ALPK3: variants seen among roughly 807,000 people sequenced by gnomAD.
ALPK3 encodes alpha-protein kinase 3.
ALPK3 carries 102 observed loss-of-function variants against 140.0 expected under a neutral mutation model. The ratio of observed to expected loss-of-function variants is 0.73; its 90% CI spans 0.62 to 0.86. The LOEUF is 0.86. Ranked by LOEUF, ALPK3 falls within the 40% of genes least tolerant of loss-of-function variation. The probability of loss-of-function intolerance (pLI) is 0.00; values close to 1 mark genes in which losing one functional copy is unlikely to be tolerated. For missense variants in ALPK3, 2,254 were observed against 2,208.2 expected, an observed-to-expected ratio of 1.02 and a Z score of -0.42; for synonymous variants, 938 against 898.5, an observed-to-expected ratio of 1.04 and a Z score of -0.79.
At position 84,818,835 on chromosome 15, in the gene ALPK3, C is replaced by A. The variant is rs532324605; in HGVS notation, c.143+1240C>A. Among the ~76,000 whole-genome samples the A allele has an allele frequency of 7.2e-5, 11 of 152,336 alleles. No homozygotes were observed. In the South Asian group the frequency reaches 2.3e-3, roughly 32 times the overall value. ...CCCTGGCTGCCAGGAAAGAATACCC[C>A]TTTTTCTTACTCCTGGCTCTACAGA... On this transcript the variant is annotated intron_variant, in intron 1 of 13. Coordinates refer to ENST00000258888, the MANE Select transcript of ALPK3 (RefSeq NM_020778.5).
rs964532474 is a variant in ALPK3 at position 84,870,858 on chromosome 15, G to A, written c.*2402G>A. On this transcript the variant is annotated 3_prime_UTR_variant, in exon 14 of 14. Transcript: ENST00000258888. ...AAGGGTTTGGTAGGTAAACCCTGAA[G>A]ATGCTTCTAACACACGTGCTGTTCT... 3.9e-5 allele frequency: 6 copies of A among 152,196 alleles called. No homozygotes were observed. The highest frequency in any genetic ancestry group is 1.4e-4 in the African/African-American group (6 of 41,444). 9.4% of individuals were successfully genotyped at this position (152,196 alleles called of 1,614,324 possible).
At position 84,834,788 on chromosome 15, in the gene ALPK3, C is replaced by T. The variant is rs895307006; in HGVS notation, c.305-4192C>T. 2.6e-5 allele frequency among the ~76,000 whole-genome samples: 4 copies of T among 152,292 alleles called. No homozygotes were observed. In the East Asian group the frequency reaches 5.8e-4, roughly 22 times the overall value. ...CGCCATGGGCTGTCCTGGCCAGGGC[C>T]AGAAGTGTGTGCACACCTGCCTGTG... On this transcript the variant is annotated intron_variant, in intron 3 of 13. Coordinates refer to ENST00000258888, the MANE Select transcript of ALPK3 (RefSeq NM_020778.5).
At chr15:84,822,487 G>C (rs572489259) in intron 1 of ALPK3, among the ~76,000 whole-genome samples, 2 of 152,212 alleles carry the variant, frequency 1.3e-5, no homozygotes, top group African/African-American at 4.8e-5. Flanking sequence ...CTCTTCTCAT[G>C]ATAGGGACAG....
At position 84,857,698 on chromosome 15, in the gene ALPK3, C is replaced by G. The variant is rs1324378709; in HGVS notation, c.2960C>G (p.Ala987Gly). Residue 987 changes from alanine (A) to glycine (G), a missense_variant, in exon 6 of 14, where the codon GCC becomes GGC. Coordinates refer to ENST00000258888, the MANE Select transcript of ALPK3 (RefSeq NM_020778.5). ...GAGGESQVGA[A>G]TGGLVPSATL... ...GGGGGAGAGTCCCAGGTGGGGGCAG[C>G]CACCGGAGGTCTGGTGCCCTCAGCC... is the stretch of plus-strand genomic sequence containing the variant. 1 of 1,610,984 alleles carries G rather than the reference C, an allele frequency of 6.2e-7. No homozygotes were observed.
intron 12 of ALPK3, among the ~76,000 whole-genome samples, chr15:84,866,105 A>G (rs146243116): frequency 1.3e-5 from 2 of 152,322 alleles, no homozygotes; most frequent in African/African-American, 4.8e-5. Context: ...TGTCTTTCCT[A>G]CCTAGCACTC....
chr15:84,856,299 G>T, intron 5 of ALPK3, 93 bp from the exon 6 acceptor site: 2 of 1,504,818 alleles, frequency 1.3e-6, no homozygotes, highest in Non-Finnish European at 1.8e-6. Context: ...CAGAGCAGTT[G>T]TAGATGAGGT....
At position 84,859,292 on chromosome 15, in the gene ALPK3, C is replaced by G. The variant is rs188837127; in HGVS notation, c.3867C>G (p.Ser1289=). 1 of 1,614,148 alleles carries G rather than the reference C, an allele frequency of 6.2e-7. No individual in the cohort carries two copies. Among genetic ancestry groups the G allele is most frequent in the Admixed American group, 1.7e-5 (1 of 60,018 alleles). Residue 1289 remains serine (S), a synonymous_variant, in exon 7 of 14, where the codon TCC becomes TCG. Transcript: ENST00000258888. ...GGGTGGAGCAGTTTCCTGATGCCTCCGGTAGCCTGAAGCTGTGGTGCCAGT... is the reference window on the plus strand; with the variant it reads ...GGGTGGAGCAGTTTCCTGATGCCTCGGGTAGCCTGAAGCTGTGGTGCCAGT... ...KIRVEQFPDA[S]GSLKLWCQFF...
At chr15:84,859,103 C>G in intron 6 of ALPK3, 140 bp from the exon 7 acceptor site, 1 of 1,177,434 alleles carries the variant, frequency 8.5e-7, no homozygotes, top group African/African-American at 1.5e-5. Context: ...CAGGAGGCAC[C>G]GGGGGGCTGT....
chr15:84,846,131 C>T (rs1463232376), intron 5 of ALPK3, among the ~76,000 whole-genome samples: 1 of 152,030 alleles, frequency 6.6e-6, no homozygotes, highest in Admixed American at 6.6e-5. Context: ...AAAATGGAAC[C>T]GAGATTGAAA....
Position 84,847,549 on chromosome 15 carries a change from T to C in ALPK3, c.1653+6617T>C, listed in dbSNP as rs1324614123. On this transcript the variant is annotated intron_variant, in intron 5 of 13. Coordinates refer to ENST00000258888, the MANE Select transcript of ALPK3 (RefSeq NM_020778.5). ...CCAGAGAAACATAATACATTATTTA[T>C]AGGGAAGCAATGATTTGAATGACTA... is the stretch of plus-strand genomic sequence containing the variant. Among the ~76,000 whole-genome samples the C allele has an allele frequency of 2.0e-5, 3 of 152,052 alleles. No homozygotes were observed. The South Asian group carries it at 6.2e-4, about 32-fold the overall frequency.
intron 5 of ALPK3, among the ~76,000 whole-genome samples, chr15:84,843,681 G>A (rs1963692875): frequency 6.6e-6 from 1 of 152,192 alleles, no homozygotes; most frequent in South Asian, 2.1e-4. Context: ...CCTGGCAGAA[G>A]CAAACAAAAA....
At chr15:84,824,103 T>A (rs1050457531) in intron 2 of ALPK3, among the ~76,000 whole-genome samples, 4 of 152,192 alleles carry the variant, frequency 2.6e-5, no homozygotes, top group Non-Finnish European at 5.9e-5. Flanking sequence ...CCTTTTAAAA[T>A]TTTTTTCTGC....
intron 5 of ALPK3, among the ~76,000 whole-genome samples, chr15:84,844,898 G>A (rs1258660312): frequency 1.3e-5 from 2 of 152,058 alleles, no homozygotes; most frequent in Non-Finnish European, 2.9e-5. Context: ...GAACCAACTA[G>A]AATTCCAGAG....
chr15:84,836,312 G>T (rs1487860223), intron 3 of ALPK3, among the ~76,000 whole-genome samples: 2 of 152,178 alleles, frequency 1.3e-5, no homozygotes, highest in African/African-American at 2.4e-5. Context: ...GAACAAAGGG[G>T]TACCATGATC....
In ALPK3 at chr15:84,870,509, T is replaced by C. The variant is rs148955211; in HGVS notation, c.*2053T>C. ...TGAGTTTTGACCAACAGAAATGAAC[T>C]TGGACCAACTTAAGCAAGGAAAAAG... On this transcript the variant is annotated 3_prime_UTR_variant, in exon 14 of 14. Coordinates refer to ENST00000258888, the MANE Select transcript of ALPK3 (RefSeq NM_020778.5). The C allele has an allele frequency of 6.6e-6, 1 of 152,358 alleles. No homozygotes were observed. The highest frequency in any genetic ancestry group is 2.4e-5 in the African/African-American group (1 of 41,570). 9.4% of individuals were successfully genotyped at this position (152,358 alleles called of 1,614,324 possible).
At chr15:84,840,990 T>C in intron 5 of ALPK3, 58 bp downstream of exon 5, 1 of 1,494,866 alleles carries the variant, frequency 6.7e-7, no homozygotes, top group Non-Finnish European at 8.9e-7. Flanking sequence ...TCATGGAAAC[T>C]CTTGCTGCAA....
chr15:84,840,622 G>C lies in ALPK3; in HGVS notation c.1343G>C (p.Gly448Ala). 1 of 1,559,678 alleles carries C rather than the reference G, an allele frequency of 6.4e-7. No homozygotes were observed. Among genetic ancestry groups the C allele is most frequent in the South Asian group, 1.2e-5 (1 of 80,782 alleles). ...SVRAPGESPK[G>A]KAPLRARSEG... ...CGGGCGCCTGGGGAGAGTCCCAAGG[G>C]GAAGGCACCCCTCAGGGCTAGAAGC... Residue 448 changes from glycine to alanine, a missense_variant, in exon 5 of 14, where the codon GGG (glycine) becomes GCG (alanine). Transcript: ENST00000258888.
In ALPK3 at chr15:84,847,218, A is replaced by G. The variant is rs1395386018; in HGVS notation, c.1653+6286A>G. On this transcript the variant is annotated intron_variant, in intron 5 of 13. Transcript: ENST00000258888. Reference sequence around the variant, plus strand: ...GGGAGGGAGAAACGGGGAGAGAGAGAGAGAGAGAGAGAGAGAGAGAGAGAG... The same window carrying G: ...GGGAGGGAGAAACGGGGAGAGAGAGGGAGAGAGAGAGAGAGAGAGAGAGAG... 1.3e-3 allele frequency among the ~76,000 whole-genome samples: 119 copies of G among 92,796 alleles called. 1 individual carries two copies. The highest frequency in any genetic ancestry group is 2.3e-3 in the African/African-American group (73 of 32,208). 60.9% of individuals were successfully genotyped at this position (92,796 alleles called of 152,430 possible).
intron 1 of ALPK3, among the ~76,000 whole-genome samples, chr15:84,820,032 C>T (rs1195512825): frequency 2.0e-5 from 3 of 152,314 alleles, no homozygotes; most frequent in Non-Finnish European, 2.9e-5. Flanking sequence ...AACTGTAGGC[C>T]CAGCCCCCAG....
Sources: allele counts gnomAD v4.1 joint callset (sites outside exome capture counted in the v4.1 genomes callset), GRCh38; gene constraint gnomAD v4.1.1; transcripts MANE v1.5; gene names NCBI Gene and HGNC (gene_info 2026-07-23, HGNC 2026-07-21).